Variants in EYS observed in about 807,000 individuals in gnomAD.
EYS encodes EGF-like photoreceptor maintenance factor.
A neutral mutation model predicts 282.1 loss-of-function variants in EYS; 250 were observed. The ratio of observed to expected loss-of-function variants is 0.89; its 90% CI spans 0.80 to 0.98. EYS has a LOEUF of 0.98. Among genes scored for constraint, EYS ranks in the 50% least tolerant of loss-of-function variants. The pLI, the probability that EYS is intolerant of heterozygous loss-of-function variation, is 0.00. For synonymous variants in EYS, 1,355 were observed against 1,282.9 expected, an observed-to-expected ratio of 1.06 and a Z score of -1.20; for missense variants, 4,016 against 3,709.0, an observed-to-expected ratio of 1.08 and a Z score of -2.15.
intron 24 of EYS, among the ~76,000 whole-genome samples, chr6:64,600,086 A>T (rs2149837627): frequency 6.6e-6 from 1 of 152,250 alleles, no homozygotes; most frequent in African/African-American, 2.4e-5. Context: ...ACAAGAAATA[A>T]GGAGTACATA....
intron 2 of EYS, among the ~76,000 whole-genome samples, chr6:65,576,274 A>G (rs568013060): frequency 6.6e-6 from 1 of 152,150 alleles, no homozygotes; most frequent in African/African-American, 2.4e-5. Flanking sequence ...ATAATTTAAT[A>G]TATGCAAACC....
At chr6:65,428,867 A>G (rs1767764630) in intron 5 of EYS, among the ~76,000 whole-genome samples, 1 of 152,126 alleles carries the variant, frequency 6.6e-6, no homozygotes, top group South Asian at 2.1e-4. Flanking sequence ...AGGCACCAAT[A>G]TGAAATTGTG....
intron 12 of EYS, among the ~76,000 whole-genome samples, chr6:65,099,072 C>T (rs1774818421): frequency 6.7e-6 from 1 of 150,264 alleles, no homozygotes; most frequent in Non-Finnish European, 1.5e-5. Flanking sequence ...AAATACAACA[C>T]CAGTAAAGAA....
At chr6:64,918,854 C>G (rs1411584546) in intron 15 of EYS, among the ~76,000 whole-genome samples, 12 of 152,100 alleles carry the variant, frequency 7.9e-5, no homozygotes, top group Non-Finnish European at 1.3e-4. Flanking sequence ...CAGATGCTGT[C>G]CTGCATGTAT....
chr6:64,746,643 T>C (rs1772564684), intron 22 of EYS, among the ~76,000 whole-genome samples: 1 of 152,200 alleles, frequency 6.6e-6, no homozygotes, highest in African/African-American at 2.4e-5. Flanking sequence ...ATCCATCATG[T>C]TGTTTCATGT....
At chr6:65,542,965 T>A (rs1416268090) in intron 2 of EYS, among the ~76,000 whole-genome samples, 2 of 152,144 alleles carry the variant, frequency 1.3e-5, no homozygotes, top group Non-Finnish European at 2.9e-5. Flanking sequence ...ACATGAAAAA[T>A]TAAATTAGAC....
At chr6:64,978,401 A>G (rs2150115012) in intron 14 of EYS, among the ~76,000 whole-genome samples, 1 of 152,054 alleles carries the variant, frequency 6.6e-6, no homozygotes, top group Middle Eastern at 3.4e-3. Flanking sequence ...CCTACTGACC[A>G]AAAAGAAAAG....
chr6:64,973,757 A>T (rs1037461197), intron 14 of EYS, among the ~76,000 whole-genome samples: 2 of 151,952 alleles, frequency 1.3e-5, no homozygotes, highest in African/African-American at 4.8e-5. Flanking sequence ...GAAACCAAAT[A>T]ATGGAAAATT....
At chr6:64,859,106 T>G (rs1766156142) in intron 19 of EYS, among the ~76,000 whole-genome samples, 1 of 151,660 alleles carries the variant, frequency 6.6e-6, no homozygotes, top group East Asian at 1.9e-4. Flanking sequence ...AAAAAACTAT[T>G]AGAACTGATA....
At chr6:64,036,284 T>A (rs1043503977) in intron 33 of EYS, among the ~76,000 whole-genome samples, 1 of 152,036 alleles carries the variant, frequency 6.6e-6, no homozygotes, top group Non-Finnish European at 1.5e-5. Flanking sequence ...GGGTGCAGAA[T>A]GGGGAGTGAG....
chr6:63,843,330 TA>T (rs1257586938), intron 36 of EYS, among the ~76,000 whole-genome samples: 1 of 152,198 alleles, frequency 6.6e-6, no homozygotes, highest in African/African-American at 2.4e-5. Flanking sequence ...TCATCCCTTG[TA>T]AGTTCTATTC....
chr6:65,705,526 A>G (rs542514901), intron 1 of EYS, among the ~76,000 whole-genome samples: 1 of 152,320 alleles, frequency 6.6e-6, no homozygotes, highest in South Asian at 2.1e-4. Flanking sequence ...GAATGCCTCC[A>G]AATCAAGGCT....
chr6:65,266,133 T>C (rs1217592804), intron 12 of EYS, among the ~76,000 whole-genome samples: 3 of 152,064 alleles, frequency 2.0e-5, no homozygotes, highest in Admixed American at 1.3e-4. Flanking sequence ...TATATTTTAT[T>C]TTGCAGTGTA....
chr6:64,809,118 G>C (rs1764519380), intron 22 of EYS, among the ~76,000 whole-genome samples: 1 of 152,006 alleles, frequency 6.6e-6, no homozygotes, highest in South Asian at 2.1e-4. Flanking sequence ...ATAAACAAGA[G>C]TCTGGCAAAT....
At chr6:64,184,761 T>C (rs943867487) in intron 31 of EYS, among the ~76,000 whole-genome samples, 13 of 152,218 alleles carry the variant, frequency 8.5e-5, no homozygotes, top group Non-Finnish European at 5.9e-5. Context: ...GAAATCTGAA[T>C]TGATTTCATA....
intron 12 of EYS, among the ~76,000 whole-genome samples, chr6:65,095,441 GA>G (rs1048587551): frequency 4.6e-4 from 63 of 135,850 alleles, no homozygotes; most frequent in African/African-American, 8.6e-4. Context: ...GTTGTCACCA[GA>G]AAAAAAAAAA....
chr6:63,792,594 T>A (rs1002679523), intron 37 of EYS, among the ~76,000 whole-genome samples: 13 of 151,618 alleles, frequency 8.6e-5, no homozygotes, highest in South Asian at 4.2e-4. Flanking sequence ...ATAATAAAAA[T>A]ATATATATAT....
intron 36 of EYS, among the ~76,000 whole-genome samples, chr6:63,861,496 G>GTTTC (rs1406197353): frequency 1.3e-5 from 2 of 152,158 alleles, no homozygotes; most frequent in Non-Finnish European, 2.9e-5. Flanking sequence ...CCTTTCAACG[G>GTTTC]TTTCCTAAGG....
At chr6:64,898,672 A>G (rs1476906880) in intron 18 of EYS, among the ~76,000 whole-genome samples, 1 of 151,088 alleles carries the variant, frequency 6.6e-6, no homozygotes, top group Non-Finnish European at 1.5e-5. Flanking sequence ...TTGTATAAAG[A>G]GTCAAGAACC....
Sources: gnomAD v4.1 joint callset for allele counts (sites outside exome capture counted in the v4.1 genomes callset) on GRCh38, gnomAD v4.1.1 for gene constraint, MANE v1.5 for transcripts, NCBI Gene and HGNC (gene_info 2026-07-23, HGNC 2026-07-21) for gene names.